Variants in NBAS observed in about 807,000 individuals in gnomAD.
NBAS encodes the protein NBAS subunit of NRZ tethering complex.
NBAS carries 219 observed loss-of-function variants against 302.5 expected under a neutral mutation model. The observed-to-expected ratio is 0.72, with a 90% confidence interval of 0.65 to 0.81. NBAS has a LOEUF of 0.81. Ranked by LOEUF, NBAS falls within the 30% of genes least tolerant of loss-of-function variation. The probability of loss-of-function intolerance (pLI) is 0.00; values close to 1 mark genes in which losing one functional copy is unlikely to be tolerated. For synonymous variants in NBAS, 1,118 were observed against 1,021.6 expected (o/e 1.09, Z -1.80); for missense variants, 2,932 against 2,841.6 (o/e 1.03, Z -0.72).
the NBAS span, among the ~76,000 whole-genome samples, chr2:14,863,020 A>G: frequency 6.6e-6 from 1 of 152,224 alleles, no homozygotes; most frequent in African/African-American, 2.4e-5. Context: ...TGTTTCAGGA[A>G]CCCTGAGATT....
intron 25 of NBAS, among the ~76,000 whole-genome samples, chr2:15,404,018 G>A (rs1481316607): frequency 2.0e-5 from 3 of 151,834 alleles, no homozygotes; most frequent in Non-Finnish European, 4.4e-5. Flanking sequence ...TGGGATTACA[G>A]GCATGAGCCA....
the NBAS span, among the ~76,000 whole-genome samples, chr2:14,841,039 G>A: frequency 1.1e-4 from 16 of 151,736 alleles, no homozygotes. Flanking sequence ...AAATGTAGGG[G>A]GATGGAGTTA....
chr2:15,125,808 A>T, the NBAS span, among the ~76,000 whole-genome samples: 1 of 152,214 alleles, frequency 6.6e-6, no homozygotes, highest in African/African-American at 2.4e-5. Flanking sequence ...TCACAGGCTC[A>T]TAGGTGAAAG....
At chr2:15,145,431 GTGTC>G in the NBAS span, among the ~76,000 whole-genome samples, 1 of 145,476 alleles carries the variant, frequency 6.9e-6, no homozygotes, top group Non-Finnish European at 1.5e-5. Flanking sequence ...GTGTGTGTGT[GTGTC>G]TTCATGCCTA....
intron 12 of NBAS, among the ~76,000 whole-genome samples, chr2:15,487,263 G>A (rs1260969662): frequency 6.6e-6 from 1 of 152,048 alleles, no homozygotes; most frequent in Admixed American, 6.6e-5. Flanking sequence ...TGAAAAACAC[G>A]AAGTATCTTT....
At chr2:15,275,414 T>A (rs1669527622) in intron 44 of NBAS, 70 bp downstream of exon 44, 21 of 1,446,292 alleles carry the variant, frequency 1.5e-5, no homozygotes, top group Non-Finnish European at 1.9e-5. Flanking sequence ...AAATAAAATC[T>A]ACAGAATGTA....
intron 35 of NBAS, among the ~76,000 whole-genome samples, chr2:15,344,603 T>C (rs1307892579): frequency 6.6e-6 from 1 of 152,116 alleles, no homozygotes; most frequent in Non-Finnish European, 1.5e-5. Flanking sequence ...GCTGGGACCA[T>C]TACGTCTGAA....
chr2:15,338,333 A>G (rs899328696), intron 35 of NBAS, among the ~76,000 whole-genome samples: 1 of 152,288 alleles, frequency 6.6e-6, no homozygotes, highest in African/African-American at 2.4e-5. Flanking sequence ...CTCTCCTCCA[A>G]CATAGCCTTA....
chr2:15,317,049 C>T (rs1429826642), intron 38 of NBAS, among the ~76,000 whole-genome samples: 3 of 152,276 alleles, frequency 2.0e-5, no homozygotes, highest in East Asian at 1.9e-4. Context: ...CAGTAATATT[C>T]GCTGTGCTGC....
chr2:15,008,645 T>C, the NBAS span, among the ~76,000 whole-genome samples: 1 of 152,204 alleles, frequency 6.6e-6, no homozygotes, highest in African/African-American at 2.4e-5. Flanking sequence ...CTGTGTACCA[T>C]GATTTCACTT....
chr2:15,238,097 T>C (rs1281083230), intron 45 of NBAS, among the ~76,000 whole-genome samples: 1 of 152,138 alleles, frequency 6.6e-6, no homozygotes, highest in African/African-American at 2.4e-5. Context: ...TATTTGTTAA[T>C]TCTACCAGCT....
the NBAS span, among the ~76,000 whole-genome samples, chr2:14,934,372 T>G: frequency 6.7e-6 from 1 of 149,706 alleles, no homozygotes; most frequent in Non-Finnish European, 1.5e-5. Flanking sequence ...TTCAAACTTT[T>G]TCTCCTCCCT....
the NBAS span, among the ~76,000 whole-genome samples, chr2:14,806,849 C>T: frequency 6.6e-6 from 1 of 152,186 alleles, no homozygotes. Context: ...CTGATTATTC[C>T]ATTGCATCAC....
chr2:15,459,927 T>TTCAGCATGCTACTGAACTTCTGTAAATC (rs1255890607), intron 21 of NBAS, among the ~76,000 whole-genome samples: 1 of 152,196 alleles, frequency 6.6e-6, no homozygotes, highest in African/African-American at 2.4e-5. Context: ...ATATATAGAT[T>TTCAGCATGCTACTGAACTTCTGTAAATC]TCAGCATGCT....
intron 48 of NBAS, among the ~76,000 whole-genome samples, chr2:15,206,032 G>A (rs1666126508): frequency 2.0e-5 from 3 of 152,162 alleles, no homozygotes; most frequent in Admixed American, 2.0e-4. Context: ...ATGGGTAGAG[G>A]TTGGAACAGT....
the NBAS span, among the ~76,000 whole-genome samples, chr2:14,818,503 A>G: frequency 6.6e-6 from 1 of 152,212 alleles, no homozygotes; most frequent in Non-Finnish European, 1.5e-5. Context: ...GAGGGTCAGG[A>G]TTCATTTCCA....
At chr2:15,301,496 A>G (rs1447061464) in intron 40 of NBAS, among the ~76,000 whole-genome samples, 3 of 152,184 alleles carry the variant, frequency 2.0e-5, no homozygotes. Context: ...TCTCCCCACC[A>G]AGTGAGCAAT....
chr2:15,045,269 C>G, the NBAS span, among the ~76,000 whole-genome samples: 1 of 152,136 alleles, frequency 6.6e-6, no homozygotes, highest in Non-Finnish European at 1.5e-5. Context: ...AATAAGTATT[C>G]CAGAACAGTG....
At chr2:15,507,610 G>A (rs1292878047) in intron 10 of NBAS, among the ~76,000 whole-genome samples, 1 of 152,152 alleles carries the variant, frequency 6.6e-6, no homozygotes, top group African/African-American at 2.4e-5. Flanking sequence ...GGGATAAGGT[G>A]GAATTCAAAC....
Sources: allele counts gnomAD v4.1 joint callset (sites outside exome capture counted in the v4.1 genomes callset), GRCh38; gene constraint gnomAD v4.1.1; transcripts MANE v1.5; gene names NCBI Gene and HGNC (gene_info 2026-07-23, HGNC 2026-07-21).